Variants in ODF2L observed in about 807,000 individuals in gnomAD.
The protein encoded by ODF2L is protein BCAP.
Under a neutral mutation model 86.3 loss-of-function variants are expected in ODF2L, and 76 were observed. The observed-to-expected ratio is 0.88, with a 90% CI of 0.73 to 1.07. ODF2L has a LOEUF of 1.07. Ranked by LOEUF, ODF2L falls within the 50% of genes least tolerant of loss-of-function variation. ODF2L has a pLI of 0.00. For synonymous variants in ODF2L, 241 were observed against 231.3 expected (o/e 1.04, Z -0.38); for missense variants, 748 against 717.4 (o/e 1.04, Z -0.49).
chr1:86,388,786 T>A (rs1334544658), intron 1 of ODF2L, among the ~76,000 whole-genome samples: 1 of 152,180 alleles, frequency 6.6e-6, no homozygotes, highest in Non-Finnish European at 1.5e-5. Context: ...CATAAAATTT[T>A]TCTGCTTCAT....
At chr1:86,371,067 G>A (rs1171689022) in exon 10 of ODF2L, 3 of 1,565,338 alleles carry the variant, frequency 1.9e-6, no homozygotes, top group Non-Finnish European at 2.6e-6. Flanking sequence ...ATATTCAATT[G>A]AGTGAACTTT....
intron 1 of ODF2L, among the ~76,000 whole-genome samples, chr1:86,393,943 C>T (rs970034288): frequency 6.6e-6 from 1 of 152,102 alleles, no homozygotes; most frequent in Admixed American, 6.5e-5. Flanking sequence ...CCCAATTACC[C>T]GGAAAAAGAC....
chr1:86,382,035 T>C, intron 7 of ODF2L: 1 of 520,008 alleles, frequency 1.9e-6, no homozygotes. Flanking sequence ...TAGATTGGTA[T>C]TAAACAGAGA....
intron 2 of ODF2L, chr1:86,386,398 T>TG (rs1466147679): frequency 6.6e-6 from 1 of 152,302 alleles, no homozygotes; most frequent in Non-Finnish European, 1.5e-5. Context: ...TTTTTTGAGA[T>TG]GGAGTCTCGC....
At chr1:86,355,424 ATTT>A (rs1178710326) in intron 14 of ODF2L, 1 of 1,249,574 alleles carries the variant, frequency 8.0e-7, no homozygotes, top group Non-Finnish European at 1.1e-6. Flanking sequence ...CAAGGAAAAA[ATTT>A]TTTTCTCATA....
rs900151819 is a variant in ODF2L at position 86,360,541 on chromosome 1, C to T, written c.1144-5G>A. 1.5e-6 allele frequency: 2 copies of T among 1,357,290 alleles called. No homozygotes were observed. The highest frequency in any genetic ancestry group is 2.1e-6 in the Non-Finnish European group (2 of 964,848). 84.1% of individuals were successfully genotyped at this position (1,357,290 alleles called of 1,614,324 possible). On this transcript the variant is annotated splice_polypyrimidine_tract_variant and splice_region_variant and intron_variant, in intron 11 of 17. Coordinates refer to ENST00000317336, the Ensembl canonical transcript of ODF2L. ...CTTCAAAGCAGCAAGTGTAGTCTAG[C>T]AAAAAAGATATAGATTTTATAAGTC...
Position 86,360,804 on chromosome 1 carries a change from G to A in ODF2L, c.1144-268C>T, listed in dbSNP as rs114746215. On this transcript the variant is annotated intron_variant, in intron 11 of 17. Transcript: ENST00000317336. ...AAAACTTGGAAATGTGCCTAGATAT[G>A]AAAAATCAATAGAATACAGAGGTTA... The A allele has an allele frequency of 1.8e-3, 386 of 212,172 alleles. 1 individual carries two copies. The highest frequency in any genetic ancestry group is 2.9e-3 in the Non-Finnish European group (311 of 109,064). The allele number at this position is 212,172 out of a possible 1,614,324, so 13.1% of individuals were successfully genotyped here. A position where few individuals can be genotyped will look rare whatever the true frequency, so the allele number is the denominator to read the frequency against.
chr1:86,382,865 A>C, intron 6 of ODF2L, 66 bp downstream of exon 6: 1 of 787,340 alleles, frequency 1.3e-6, no homozygotes, highest in Non-Finnish European at 2.2e-6. Context: ...TGGGGCCAGG[A>C]TGGGAAAAAA....
chr1:86,360,307 A>G (rs1558015102), intron 12 of ODF2L, 119 bp downstream of exon 11: 1 of 560,424 alleles, frequency 1.8e-6, no homozygotes, highest in Admixed American at 3.6e-5. Flanking sequence ...GACACACCAT[A>G]TTATAACCCA....
intron 3 of ODF2L, 28 bp downstream of exon 3, chr1:86,385,430 T>C: frequency 7.1e-7 from 1 of 1,402,994 alleles, no homozygotes; most frequent in Non-Finnish European, 1.0e-6. Context: ...TAGCTTTTCA[T>C]TTTATTATAT....
chr1:86,381,893 T>C (rs2101268689), intron 7 of ODF2L: 1 of 163,204 alleles, frequency 6.1e-6, no homozygotes, highest in African/African-American at 2.4e-5. Context: ...AAGATTGAAA[T>C]AATGTACACC....
chr1:86,373,554 T>C (rs1659958745), intron 8 of ODF2L, among the ~76,000 whole-genome samples: 1 of 150,604 alleles, frequency 6.6e-6, no homozygotes, highest in Non-Finnish European at 1.5e-5. Context: ...ATGGTGTATA[T>C]ACTATATACT....
intron 10 of ODF2L, among the ~76,000 whole-genome samples, chr1:86,370,497 G>C (rs897852392): frequency 6.6e-6 from 1 of 152,098 alleles, no homozygotes. Flanking sequence ...AAGTGAAAAT[G>C]ATGCCATCAT....
At position 86,356,429 on chromosome 1, in the gene ODF2L, A is replaced by G. The variant is rs763914691; in HGVS notation, c.1518+15T>C. 6.3e-7 allele frequency: 1 copy of G among 1,584,842 alleles called. No homozygotes were observed. The highest frequency in any genetic ancestry group is 8.6e-7 in the Non-Finnish European group (1 of 1,165,388). ...TTTAACGCATCTAGCAAAACTCAGA[A>G]GGACGGCTGGACACCTGGCCCTGAA... On this transcript the variant is annotated intron_variant, in intron 14 of 17. Transcript: ENST00000317336.
chr1:86,354,559 C>T, exon 16 of ODF2L: 1 of 1,605,878 alleles, frequency 6.2e-7, no homozygotes, highest in Non-Finnish European at 8.5e-7. Context: ...AAAGCAGCTT[C>T]CAGTTGTCTG....
chr1:86,386,963 G>A (rs1660999102), exon 2 of ODF2L: 1 of 1,597,750 alleles, frequency 6.3e-7, no homozygotes, highest in South Asian at 1.1e-5. Context: ...TTCTTTCTCT[G>A]ATATAGTTTT....
At chr1:86,385,543 A>C in exon 3 of ODF2L, 12 of 1,609,926 alleles carry the variant, frequency 7.5e-6, no homozygotes, top group Non-Finnish European at 1.0e-5. Flanking sequence ...CGCTTCCTTA[A>C]GTGTTGCTTC....
At chr1:86,351,230 T>A (rs1030184854) in exon 18 of ODF2L, 3 of 152,178 alleles carry the variant, frequency 2.0e-5, no homozygotes, top group Non-Finnish European at 4.4e-5. Context: ...TTTTAGGTCT[T>A]ACACTTAAGT....
chr1:86,353,048 C>G, intron 16 of ODF2L, 64 bp from the exon 16 acceptor site: 1 of 1,036,128 alleles, frequency 9.7e-7, no homozygotes, highest in South Asian at 1.4e-5. Context: ...AAAGCCTTGA[C>G]AGTTATATTG....
Sources: allele counts gnomAD v4.1 joint callset (sites outside exome capture counted in the v4.1 genomes callset), GRCh38; gene constraint gnomAD v4.1.1; transcripts MANE v1.5; gene names NCBI Gene and HGNC (gene_info 2026-07-23, HGNC 2026-07-21).